Variants in ACSS3 observed in about 807,000 individuals in gnomAD.
ACSS3 encodes acyl-CoA synthetase short chain family member 3, also known as acyl-CoA synthetase short-chain family member 3, mitochondrial.
In ACSS3, 64 loss-of-function variants were observed where a neutral mutation model predicts 84.2. The ratio of observed to expected loss-of-function variants is 0.76; its 90% CI spans 0.62 to 0.94. The LOEUF (loss-of-function observed/expected upper bound fraction) is 0.94, where lower values mean the gene tolerates loss of function less well. Ranked by LOEUF, ACSS3 falls within the 40% of genes least tolerant of loss-of-function variation. The pLI, the probability that ACSS3 is intolerant of heterozygous loss-of-function variation, is 0.00. For missense variants in ACSS3, 815 were observed against 867.6 expected (o/e 0.94, Z 0.76); for synonymous variants, 317 against 310.1 (o/e 1.02, Z -0.23).
intron 8 of ACSS3, among the ~76,000 whole-genome samples, chr12:81,176,855 G>A (rs1156470524): frequency 2.0e-5 from 3 of 152,010 alleles, no homozygotes; most frequent in Non-Finnish European, 4.4e-5. Context: ...CTCTGGCAGA[G>A]ATGCAATGAA....
At chr12:81,178,256 T>A (rs2030644475) in intron 8 of ACSS3, among the ~76,000 whole-genome samples, 1 of 148,058 alleles carries the variant, frequency 6.8e-6, no homozygotes, top group African/African-American at 2.5e-5. Context: ...TAGGTGGGAA[T>A]TGAACAATGA....
intron 9 of ACSS3, among the ~76,000 whole-genome samples, chr12:81,216,211 T>G (rs556707190): frequency 6.6e-6 from 1 of 151,320 alleles, no homozygotes. Context: ...TATTATACTT[T>G]AAATTTTAGG....
intron 15 of ACSS3, among the ~76,000 whole-genome samples, chr12:81,254,056 T>G (rs1045557331): frequency 2.0e-5 from 3 of 152,056 alleles, no homozygotes; most frequent in Non-Finnish European, 4.4e-5. Flanking sequence ...TCATAAGTAG[T>G]TGGGACTACA....
chr12:81,173,674 C>T (rs74103927), intron 7 of ACSS3, among the ~76,000 whole-genome samples: 2,199 of 151,352 alleles, frequency 0.015, 55 homozygotes, highest in African/African-American at 0.051. Flanking sequence ...TTTGTTGTTC[C>T]CTATTTGGGG....
rs1249952853 is a variant in ACSS3, at chr12:81,091,038, A to AT, written c.311+12613dup. ...GGTATACTGTATTTTTCAAATTTGT[A>AT]TTTTTTAATTATTATATTGTTATTT... On this transcript the variant is annotated intron_variant, in intron 1 of 15. Coordinates refer to ENST00000548058, the MANE Select transcript of ACSS3 (RefSeq NM_024560.4). Among the ~76,000 whole-genome samples, 9 of 151,966 alleles carry AT rather than the reference A, an allele frequency of 5.9e-5. No individual in the cohort carries two copies. The South Asian group carries it at 1.9e-3, about 31-fold the overall frequency.
At chr12:81,204,146 T>C (rs1186813432) in intron 9 of ACSS3, among the ~76,000 whole-genome samples, 1 of 152,092 alleles carries the variant, frequency 6.6e-6, no homozygotes, top group African/African-American at 2.4e-5. Context: ...TTTTTTCTTG[T>C]GATTTAAGAT....
chr12:81,208,210 GCTGCA>G (rs1403181071), intron 9 of ACSS3, among the ~76,000 whole-genome samples: 1 of 152,130 alleles, frequency 6.6e-6, no homozygotes, highest in Non-Finnish European at 1.5e-5. Context: ...GTACTAGGTT[GCTGCA>G]TTGATTTATT....
At chr12:81,227,278 T>C (rs2033302699) in intron 11 of ACSS3, among the ~76,000 whole-genome samples, 1 of 151,780 alleles carries the variant, frequency 6.6e-6, no homozygotes, top group Admixed American at 6.6e-5. Flanking sequence ...GTTAATTTCA[T>C]CTAAAAAATG....
At chr12:81,093,053 G>A (rs1334164348) in intron 1 of ACSS3, among the ~76,000 whole-genome samples, 6 of 152,090 alleles carry the variant, frequency 3.9e-5, no homozygotes, top group Admixed American at 1.3e-4. Flanking sequence ...GACATTAGAT[G>A]GAGATGTAGT....
chr12:81,128,607 A>G lies in ACSS3; in HGVS notation c.457-6209A>G, dbSNP rs368551060. Among the ~76,000 whole-genome samples the G allele has an allele frequency of 5.1e-4, 77 of 152,314 alleles. 1 individual carries two copies. The highest frequency in any genetic ancestry group is 5.0e-3 in the South Asian group (24 of 4,826). On this transcript the variant is annotated intron_variant, in intron 2 of 15. Coordinates refer to ENST00000548058, the MANE Select transcript of ACSS3 (RefSeq NM_024560.4). Reference sequence around the variant, plus strand: ...AAAACAAATTTAAGAAGGTGCAAAGATGAATGTGAATTGGGTGAACGGCAC... The same window carrying G: ...AAAACAAATTTAAGAAGGTGCAAAGGTGAATGTGAATTGGGTGAACGGCAC...
At chr12:81,244,778 GT>G (rs1354798250) in intron 13 of ACSS3, among the ~76,000 whole-genome samples, 1 of 152,062 alleles carries the variant, frequency 6.6e-6, no homozygotes, top group African/African-American at 2.4e-5. Flanking sequence ...ATTATTGCAA[GT>G]TGTCTACTTT....
chr12:81,245,286 C>A (rs1300044962), intron 13 of ACSS3, among the ~76,000 whole-genome samples: 3 of 152,066 alleles, frequency 2.0e-5, no homozygotes, highest in African/African-American at 7.2e-5. Flanking sequence ...ACAGTGAAAC[C>A]CCGTCTCTAC....
intron 2 of ACSS3, among the ~76,000 whole-genome samples, chr12:81,123,674 TATGTAC>T (rs1884834124): frequency 6.6e-6 from 1 of 152,110 alleles, no homozygotes; most frequent in Non-Finnish European, 1.5e-5. Flanking sequence ...TCTATTTCCA[TATGTAC>T]ACAATGTTTA....
chr12:81,194,898 T>G (rs1252538691), intron 8 of ACSS3, among the ~76,000 whole-genome samples: 1 of 151,952 alleles, frequency 6.6e-6, no homozygotes, highest in African/African-American at 2.4e-5. Flanking sequence ...GCTGGTAATA[T>G]CAAGATATCA....
intron 8 of ACSS3, among the ~76,000 whole-genome samples, chr12:81,179,290 G>GAAAAAAAAAA: frequency 1.1e-5 from 1 of 95,020 alleles, no homozygotes; most frequent in Non-Finnish European, 2.2e-5. Flanking sequence ...AAAAAAAAAA[G>GAAAAAAAAAA]AAAAAGAAAA....
At chr12:81,108,247 C>CCAT (rs1883244725) in intron 1 of ACSS3, among the ~76,000 whole-genome samples, 2 of 140,990 alleles carry the variant, frequency 1.4e-5, no homozygotes, top group Non-Finnish European at 3.1e-5. Flanking sequence ...CTTTCTGTGG[C>CCAT]TATTATTATT....
chr12:81,099,095 T>C (rs965548972), intron 1 of ACSS3, among the ~76,000 whole-genome samples: 2 of 152,200 alleles, frequency 1.3e-5, no homozygotes, highest in Non-Finnish European at 2.9e-5. Context: ...TCTGTTGTAG[T>C]CTTCTTATGA....
At chr12:81,188,413 G>C (rs1796016373) in intron 8 of ACSS3, among the ~76,000 whole-genome samples, 1 of 151,968 alleles carries the variant, frequency 6.6e-6, no homozygotes, top group Non-Finnish European at 1.5e-5. Context: ...AATTTTAAAA[G>C]TTATAATTAT....
intron 8 of ACSS3, among the ~76,000 whole-genome samples, chr12:81,198,454 C>T (rs983797321): frequency 6.6e-6 from 1 of 152,044 alleles, no homozygotes; most frequent in Admixed American, 6.6e-5. Context: ...AAATATACTA[C>T]GTTGTTCAGG....
Sources: allele counts gnomAD v4.1 joint callset (sites outside exome capture counted in the v4.1 genomes callset), GRCh38; gene constraint gnomAD v4.1.1; transcripts MANE v1.5; gene names NCBI Gene and HGNC (gene_info 2026-07-23, HGNC 2026-07-21).